The following CLIP4 variants were observed in gnomAD, a reference collection of about 807,000 sequenced individuals.
CLIP4 encodes CAP-Gly domain containing linker protein family member 4, also known as CAP-Gly domain-containing linker protein 4.
Under a neutral mutation model 73.1 loss-of-function variants are expected in CLIP4, and 47 were observed. The observed-to-expected ratio is 0.64, with a 90% CI of 0.51 to 0.82. CLIP4 has a LOEUF of 0.82. Ranked by LOEUF, CLIP4 falls within the 40% of genes least tolerant of loss-of-function variation. CLIP4 has a pLI of 0.00. For synonymous variants in CLIP4, 306 were observed against 295.4 expected, an observed-to-expected ratio of 1.04 and a Z score of -0.37; for missense variants, 874 against 852.9, an observed-to-expected ratio of 1.02 and a Z score of -0.31.
chr2:29,161,612 A>G (rs916719989), intron 12 of CLIP4, among the ~76,000 whole-genome samples: 3 of 152,188 alleles, frequency 2.0e-5, no homozygotes, highest in African/African-American at 4.8e-5. Flanking sequence ...TAGCCAGAGT[A>G]TCAGCATTTT....
At chr2:29,143,226 G>A (rs1396447103) in intron 6 of CLIP4, among the ~76,000 whole-genome samples, 4 of 152,112 alleles carry the variant, frequency 2.6e-5, no homozygotes, top group South Asian at 2.1e-4. Flanking sequence ...CCTGAGCACC[G>A]CTCCCCACAT....
intron 1 of CLIP4, among the ~76,000 whole-genome samples, chr2:29,107,358 GTTTTTTTTTTTTT>G (rs796180363): frequency 2.1e-4 from 14 of 65,358 alleles, no homozygotes; most frequent in South Asian, 8.1e-4. Flanking sequence ...GAACATGATA[GTTTTTTTTTTTTT>G]TTTTTTTTTT....
rs569305762 is a variant in CLIP4 at position 29,157,486 on chromosome 2, C to T, written c.1399+139C>T. On this transcript the variant is annotated intron_variant, in intron 11 of 15. Coordinates refer to ENST00000320081, the MANE Select transcript of CLIP4 (RefSeq NM_024692.6). The stretch of plus-strand genomic sequence containing the variant: ...AACTACTTTTACTCTTCCCCACCTC[C>T]CCCGAACCTTAAGCCTTAAGGTCTC... 1.6e-5 allele frequency: 21 copies of T among 1,349,166 alleles called. No individual in the cohort carries two copies. In the African/African-American group the frequency reaches 3.1e-4, roughly 20 times the overall value. 83.6% of individuals were successfully genotyped at this position (1,349,166 alleles called of 1,614,324 possible). A position where few individuals can be genotyped will look rare whatever the true frequency, so the allele number is the denominator to read the frequency against.
At chr2:29,123,836 G>C (rs2148468672) in intron 2 of CLIP4, among the ~76,000 whole-genome samples, 1 of 152,296 alleles carries the variant, frequency 6.6e-6, no homozygotes. Flanking sequence ...AGAAACCAGA[G>C]TTGAGGCATG....
chr2:29,097,993 A>G (rs753198532), intron 1 of CLIP4: 1 of 152,260 alleles, frequency 6.6e-6, no homozygotes, highest in Admixed American at 6.5e-5. Flanking sequence ...CAGCCCTCTG[A>G]TGAAACTCAT....
chr2:29,144,055 A>C (rs775704190), intron 7 of CLIP4, 110 bp downstream of exon 7: 9 of 789,808 alleles, frequency 1.1e-5, no homozygotes, highest in Non-Finnish European at 1.9e-5. Flanking sequence ...TTCAACATGT[A>C]GGTAGAAAGA....
chr2:29,121,229 G>T lies in CLIP4; in HGVS notation c.-15-145G>T. On this transcript the variant is annotated intron_variant, in intron 1 of 15. Transcript: ENST00000320081. ...CCTTTTAACAACAGTTTTGCCAAAA[G>T]GAATTTTTTCCCTTTCATAAAAGAT... The T allele has an allele frequency of 6.2e-6, 5 of 802,950 alleles. No individual in the cohort carries two copies. In the South Asian group the frequency reaches 9.8e-5, roughly 16 times the overall value. 49.7% of individuals were successfully genotyped at this position (802,950 alleles called of 1,614,324 possible). A position where few individuals can be genotyped will look rare whatever the true frequency, so the allele number is the denominator to read the frequency against.
At chr2:29,134,778 A>G (rs1428506536) in intron 5 of CLIP4, among the ~76,000 whole-genome samples, 2 of 152,146 alleles carry the variant, frequency 1.3e-5, no homozygotes, top group Admixed American at 1.3e-4. Flanking sequence ...TTTAAGTATA[A>G]CATATGATGC....
At chr2:29,122,791 A>C (rs1396344413) in intron 2 of CLIP4, among the ~76,000 whole-genome samples, 1 of 132,156 alleles carries the variant, frequency 7.6e-6, no homozygotes, top group East Asian at 2.3e-4. Flanking sequence ...GCATCACTGC[A>C]CTCCAGCCTG....
At chr2:29,131,688 A>G (rs891499333) in intron 3 of CLIP4, 1 of 271,616 alleles carries the variant, frequency 3.7e-6, no homozygotes, top group Admixed American at 4.9e-5. Flanking sequence ...TATGCATTTC[A>G]TAAAGGGATT....
At chr2:29,120,356 C>A (rs918251831) in intron 1 of CLIP4, among the ~76,000 whole-genome samples, 10 of 152,088 alleles carry the variant, frequency 6.6e-5, no homozygotes, top group Admixed American at 6.5e-4. Context: ...AATGAAATGA[C>A]TGTTTTATTG....
chr2:29,143,976 A>G, intron 7 of CLIP4, 31 bp downstream of exon 7: 1 of 1,585,446 alleles, frequency 6.3e-7, no homozygotes. Context: ...CTCTGAAGCC[A>G]GGGTTGTTAT....
chr2:29,108,334 G>A (rs867456676), intron 1 of CLIP4, among the ~76,000 whole-genome samples: 1 of 152,144 alleles, frequency 6.6e-6, no homozygotes, highest in African/African-American at 2.4e-5. Flanking sequence ...CCTGACAGTC[G>A]ATCTGATCAC....
At chr2:29,138,807 A>G (rs774886005) in intron 6 of CLIP4, among the ~76,000 whole-genome samples, 1 of 151,938 alleles carries the variant, frequency 6.6e-6, no homozygotes, top group African/African-American at 2.4e-5. Context: ...CCTGAGTGTT[A>G]TTGGTGTATA....
In CLIP4 at chr2:29,160,395, G is replaced by C. The variant is rs1553376832; in HGVS notation, c.1462G>C (p.Gly488Arg). The C allele has an allele frequency of 6.2e-7, 1 of 1,614,076 alleles. No homozygotes were observed. ...CCGTTGCGAGGGGGAACTCCGCCTC[G>C]GAGAGAGAGTGTTAGTGGTAGGACA... is the stretch of plus-strand genomic sequence containing the variant. ...NSRCEGELRL[G>R]ERVLVVGQRL... is the part of the protein sequence containing the mutation. The change falls in exon 12 of 16, where the codon GGA becomes CGA. Residue 488 changes from glycine to arginine, a missense_variant. Transcript: ENST00000320081.
At chr2:29,180,868 G>C (rs1349936581) in intron 15 of CLIP4, among the ~76,000 whole-genome samples, 2 of 149,498 alleles carry the variant, frequency 1.3e-5, no homozygotes, top group Admixed American at 6.7e-5. Flanking sequence ...GTGTACACAT[G>C]TATATATATA....
chr2:29,106,510 C>T (rs147852309), intron 1 of CLIP4, among the ~76,000 whole-genome samples: 300 of 152,248 alleles, frequency 2.0e-3, no homozygotes, highest in Non-Finnish European at 3.5e-3. Flanking sequence ...TTGTATGACA[C>T]TTGGAGGCAC....
rs1665027071 is a variant in CLIP4, at chr2:29,132,265, A to G, written c.367+20A>G. 1 of 1,581,284 alleles carries G rather than the reference A, an allele frequency of 6.3e-7. No homozygotes were observed. The highest frequency in any genetic ancestry group is 8.7e-7 in the Non-Finnish European group (1 of 1,150,622). ...GTATTGGTAAGTGTGTGGTAAATCT[A>G]TCAGTTGCTTATGTCATCTGCACTT... is the stretch of plus-strand genomic sequence containing the variant. On this transcript the variant is annotated intron_variant, in intron 4 of 15. Transcript: ENST00000320081.
intron 12 of CLIP4, among the ~76,000 whole-genome samples, chr2:29,163,356 T>G (rs530348137): frequency 6.0e-4 from 92 of 152,280 alleles, no homozygotes; most frequent in Non-Finnish European, 1.2e-3. Flanking sequence ...TATAATATTT[T>G]TGTCCTTCTT....
Sources: gnomAD v4.1 joint callset for allele counts (sites outside exome capture counted in the v4.1 genomes callset) on GRCh38, gnomAD v4.1.1 for gene constraint, MANE v1.5 for transcripts, NCBI Gene and HGNC (gene_info 2026-07-23, HGNC 2026-07-21) for gene names.